Variants in TPM3 observed in about 807,000 individuals in gnomAD.
The protein encoded by TPM3 is tropomyosin alpha-3 chain.
TPM3 carries 16 observed loss-of-function variants against 43.1 expected under a neutral mutation model. The ratio of observed to expected loss-of-function variants is 0.37; its 90% CI spans 0.25 to 0.56. The LOEUF is 0.56. Ranked by LOEUF, TPM3 falls within the 20% of genes least tolerant of loss-of-function variation. TPM3 has a pLI of 0.77. For missense variants in TPM3, 176 were observed against 337.2 expected, an observed-to-expected ratio of 0.52 and a Z score of 3.74; for synonymous variants, 101 against 116.9, an observed-to-expected ratio of 0.86 and a Z score of 0.88.
rs1007724024 is a variant in TPM3 at position 154,163,421 on chromosome 1, A to T, written c.*4516T>A. Among the ~76,000 whole-genome samples the T allele has an allele frequency of 6.6e-6, 1 of 151,798 alleles. No individual in the cohort carries two copies. Among genetic ancestry groups the T allele is most frequent in the Non-Finnish European group, 1.5e-5 (1 of 67,962 alleles). On this transcript the variant is annotated 3_prime_UTR_variant, in exon 10 of 10. Coordinates refer to ENST00000651641, the MANE Select transcript of TPM3 (RefSeq NM_152263.4). ...ATACACTCTTTTGCCCCTGAAAATG[A>T]CTCCTCCTCTTCACTTCTTAACACT... is the stretch of plus-strand genomic sequence containing the variant.
downstream of TPM3, chr1:154,157,516 A>G (rs1659931500): frequency 1.3e-6 from 1 of 762,592 alleles, no homozygotes; most frequent in African/African-American, 1.7e-5. Flanking sequence ...GGGGGTGGTG[A>G]AAGGAGAAAG....
rs551051280 is a variant in TPM3, at chr1:154,186,071, C to G, written c.243+5115G>C. Among the ~76,000 whole-genome samples, 38 of 151,746 alleles carry G rather than the reference C, an allele frequency of 2.5e-4. 1 individual carries two copies. The highest frequency in any genetic ancestry group is 9.3e-4 in the African/African-American group (38 of 41,022). ...GAGCAATGAGACTATTCAGAAGAAA[C>G]AACTTGGATAGATAATAATTTTCTC... On this transcript the variant is annotated intron_variant, in intron 2 of 9. Coordinates refer to ENST00000651641, the MANE Select transcript of TPM3 (RefSeq NM_152263.4).
At position 154,163,508 on chromosome 1, in the gene TPM3, C is replaced by T. The variant is rs965264319; in HGVS notation, c.*4429G>A. Among the ~76,000 whole-genome samples, 1 of 152,194 alleles carries T rather than the reference C, an allele frequency of 6.6e-6. No individual in the cohort carries two copies. The highest frequency in any genetic ancestry group is 1.5e-5 in the Non-Finnish European group (1 of 68,034). On this transcript the variant is annotated 3_prime_UTR_variant, in exon 10 of 10. Transcript: ENST00000651641. ...TGTCCCATTTTCAGTTATCTTCCTT[C>T]TTAGCCTCTCTGTTGAAAAACCACT...
intron 2 of TPM3, among the ~76,000 whole-genome samples, chr1:154,188,853 A>G (rs1571452175): frequency 6.6e-6 from 1 of 151,120 alleles, no homozygotes; most frequent in East Asian, 1.9e-4. Context: ...GGCAGAGGCC[A>G]GGCATGGTGG....
At position 154,166,706 on chromosome 1, in the gene TPM3, T is replaced by A. The variant is rs1661018994; in HGVS notation, c.*1231A>T. On this transcript the variant is annotated 3_prime_UTR_variant, in exon 10 of 10. Transcript: ENST00000651641. Reference sequence around the variant, plus strand: ...GCGAATTCCTTTTTTTTTTTTGAGATGGAGTCTCTCTGTTGCCCAGGCTGG... The same window carrying A: ...GCGAATTCCTTTTTTTTTTTTGAGAAGGAGTCTCTCTGTTGCCCAGGCTGG... 1 of 949,146 alleles carries A rather than the reference T, an allele frequency of 1.1e-6. No individual in the cohort carries two copies. Among genetic ancestry groups the A allele is most frequent in the Admixed American group, 6.4e-5 (1 of 15,656 alleles). 58.8% of individuals were successfully genotyped at this position (949,146 alleles called of 1,614,324 possible). A position where few individuals can be genotyped will look rare whatever the true frequency, so the allele number is the denominator to read the frequency against.
At chr1:154,159,925 A>C (rs1203276503), downstream of TPM3, among the ~76,000 whole-genome samples, 1 of 145,180 alleles carries the variant, frequency 6.9e-6, no homozygotes, top group Non-Finnish European at 1.5e-5. Flanking sequence ...ACAGTTGCTC[A>C]TGGCTAGATG....
rs375206251 is a variant in TPM3 at position 154,191,314 on chromosome 1, A to T, written c.118-3T>A. ...ATGGCTGCCAGCTCATCCTCCAGCTATAGGAGCCCAGAGAGTCACACACAA... is the reference window on the plus strand; with the variant it reads ...ATGGCTGCCAGCTCATCCTCCAGCTTTAGGAGCCCAGAGAGTCACACACAA... On this transcript the variant is annotated splice_region_variant and splice_polypyrimidine_tract_variant and intron_variant, in intron 1 of 9. Coordinates refer to ENST00000651641, the MANE Select transcript of TPM3 (RefSeq NM_152263.4). 4 of 1,613,826 alleles carry T rather than the reference A, an allele frequency of 2.5e-6. No homozygotes were observed. The African/African-American group carries it at 5.3e-5, about 22-fold the overall frequency.
chr1:154,174,407 T>TATATATATATATATATATATATACAC (rs1261318136), intron 3 of TPM3, among the ~76,000 whole-genome samples: 1 of 72,678 alleles, frequency 1.4e-5, no homozygotes, highest in Non-Finnish European at 2.6e-5. Context: ...TATATATATA[T>TATATATATATATATATATATATACAC]ACACACAAAA....
intron 2 of TPM3, chr1:154,183,166 C>G: frequency 6.3e-7 from 1 of 1,597,094 alleles, no homozygotes; most frequent in Non-Finnish European, 8.5e-7. Context: ...GCCTCCTCCG[C>G]TCGGCGTTGC....
intron 2 of TPM3, among the ~76,000 whole-genome samples, chr1:154,176,697 T>TAAAA (rs1386055674): frequency 6.7e-6 from 1 of 150,200 alleles, no homozygotes; most frequent in Non-Finnish European, 1.5e-5. Flanking sequence ...GAGGGTATCC[T>TAAAA]GACTGGGTGT....
intron 2 of TPM3, chr1:154,183,212 C>A: frequency 6.4e-7 from 1 of 1,571,650 alleles, no homozygotes; most frequent in Admixed American, 1.8e-5. Context: ...CTGCTACGCC[C>A]TGAAATACCG....
chr1:154,189,779 CAA>C (rs1472521130), intron 2 of TPM3, among the ~76,000 whole-genome samples: 12 of 63,840 alleles, frequency 1.9e-4, no homozygotes, highest in Admixed American at 7.3e-4. Context: ...GCCTGGGCAA[CAA>C]GAGTGAAACC....
At chr1:154,185,569 G>A (rs1163774233) in intron 2 of TPM3, among the ~76,000 whole-genome samples, 1 of 149,880 alleles carries the variant, frequency 6.7e-6, no homozygotes, top group African/African-American at 2.5e-5. Context: ...AACTAGCCAG[G>A]TGCAGTAGCA....
At chr1:154,157,485 C>T (rs1131577), downstream of TPM3, 2,507 of 742,958 alleles carry the variant, frequency 3.4e-3, 13 homozygotes, top group South Asian at 6.8e-3. Flanking sequence ...GACAGTTTGG[C>T]GAAAAAGACA....
downstream of TPM3, chr1:154,158,756 T>C (rs749615850): frequency 9.1e-6 from 5 of 552,344 alleles, no homozygotes; most frequent in Non-Finnish European, 1.6e-5. Context: ...CCCTCCCTTC[T>C]TCACCCATAA....
chr1:154,166,938 C>T lies in TPM3; in HGVS notation c.*999G>A, dbSNP rs565913061. On this transcript the variant is annotated 3_prime_UTR_variant, in exon 10 of 10. Transcript: ENST00000651641. ...CCTCAGGTGATCCACCTGCCCCAGC[C>T]TCCCAAAGTGCTGGGATTATAGGCG... 5.5e-4 allele frequency among the ~76,000 whole-genome samples: 83 copies of T among 152,250 alleles called. No individual in the cohort carries two copies. Among genetic ancestry groups the T allele is most frequent in the Non-Finnish European group, 1.0e-3 (71 of 68,044 alleles).
chr1:154,177,680 C>G (rs180740321), intron 2 of TPM3, among the ~76,000 whole-genome samples: 1 of 152,154 alleles, frequency 6.6e-6, no homozygotes, highest in Non-Finnish European at 1.5e-5. Flanking sequence ...TTCTATTACC[C>G]TGATTTCTTC....
At position 154,187,266 on chromosome 1, in the gene TPM3, G is replaced by A. The variant is rs181868006; in HGVS notation, c.243+3920C>T. 1.2e-4 allele frequency: 113 copies of A among 954,722 alleles called. 1 individual carries two copies. The Middle Eastern group carries it at 2.2e-3, about 18-fold the overall frequency. The allele number at this position is 954,722 out of a possible 1,614,324, so 59.1% of individuals were successfully genotyped here. ...ACAAGAATGAGCATGACTGTGTTCC[G>A]ATAAAACTTTATTTACAAAACCAGG... On this transcript the variant is annotated intron_variant, in intron 2 of 9. Coordinates refer to ENST00000651641, the MANE Select transcript of TPM3 (RefSeq NM_152263.4).
chr1:154,191,823 C>G, intron 1 of TPM3, 79 bp downstream of exon 1: 1 of 1,583,934 alleles, frequency 6.3e-7, no homozygotes, highest in Non-Finnish European at 8.6e-7. Flanking sequence ...CCAGTAGTCA[C>G]TGTCTTTCCC....
Sources: gnomAD v4.1 joint callset for allele counts (sites outside exome capture counted in the v4.1 genomes callset) on GRCh38, gnomAD v4.1.1 for gene constraint, MANE v1.5 for transcripts, NCBI Gene and HGNC (gene_info 2026-07-23, HGNC 2026-07-21) for gene names.